The following MACC1 variants were observed in gnomAD, a reference collection of about 807,000 sequenced individuals.
MACC1 encodes the protein metastasis-associated in colon cancer protein 1.
In MACC1, 79 loss-of-function variants were observed where a neutral mutation model predicts 70.7. The ratio of observed to expected loss-of-function variants is 1.12; its 90% CI spans 0.93 to 1.35. MACC1 has a LOEUF of 1.35. Among genes scored for constraint, MACC1 ranks in the 40% most tolerant of loss-of-function variants. The probability of loss-of-function intolerance (pLI) is 0.00; values close to 1 mark genes in which losing one functional copy is unlikely to be tolerated. For synonymous variants in MACC1, 361 were observed against 347.2 expected, an observed-to-expected ratio of 1.04 and a Z score of -0.44; for missense variants, 1,106 against 978.1, an observed-to-expected ratio of 1.13 and a Z score of -1.74.
At chr7:20,177,091 G>C (rs551070751) in intron 1 of MACC1, among the ~76,000 whole-genome samples, 3 of 152,202 alleles carry the variant, frequency 2.0e-5, no homozygotes, top group South Asian at 2.1e-4. Flanking sequence ...TTTTGATATT[G>C]TGCTACAGTT....
At chr7:20,179,727 G>A (rs1782470769) in intron 1 of MACC1, among the ~76,000 whole-genome samples, 2 of 152,062 alleles carry the variant, frequency 1.3e-5, no homozygotes, top group Admixed American at 1.3e-4. Context: ...CAAGATTTGG[G>A]GGTTAAGGGT....
At chr7:20,170,336 A>C (rs986874119) in intron 2 of MACC1, 1 of 152,230 alleles carries the variant, frequency 6.6e-6, no homozygotes, top group South Asian at 2.1e-4. Flanking sequence ...CCCAATGAAC[A>C]TCAGTTGCTG....
rs758865414 is a variant in MACC1 at position 20,140,938 on chromosome 7, C to G, written c.*8G>C. ...TTTTCCCTCCCATCAAAAACACACG[C>G]TTTGTTTCTATACTTCCTCAGAAGT... On this transcript the variant is annotated 3_prime_UTR_variant, in exon 7 of 7. Transcript: ENST00000400331. The G allele has an allele frequency of 1.9e-6, 3 of 1,604,874 alleles. No individual in the cohort carries two copies. In the African/African-American group the frequency reaches 4.0e-5, roughly 21 times the overall value.
Position 20,137,913 on chromosome 7 carries a change from G to C in MACC1, c.*3033C>G, listed in dbSNP as rs1781738988. 6.6e-6 allele frequency: 1 copy of C among 152,166 alleles called. No homozygotes were observed. 9.4% of individuals were successfully genotyped at this position (152,166 alleles called of 1,614,324 possible). On this transcript the variant is annotated 3_prime_UTR_variant, in exon 7 of 7. Transcript: ENST00000400331. The stretch of plus-strand genomic sequence containing the variant: ...CATGCCTGTAATCCTAGCACTCTGG[G>C]AGGCCGAGGCAGGTGGATGACCTGA...
intron 1 of MACC1, among the ~76,000 whole-genome samples, chr7:20,210,605 A>G (rs572593369): frequency 5.9e-5 from 9 of 152,230 alleles, no homozygotes; most frequent in Middle Eastern, 3.4e-3. Flanking sequence ...GTATTTGAAA[A>G]TCCTTCAAAA....
At chr7:20,141,243 C>T in intron 6 of MACC1, 85 bp from the exon 7 acceptor site, 1 of 893,740 alleles carries the variant, frequency 1.1e-6, no homozygotes, top group Non-Finnish European at 1.6e-6. Context: ...TAAAAAGCCT[C>T]TTAAGATTTA....
Position 20,139,825 on chromosome 7 carries a change from T to TAC in MACC1, c.*1119_*1120dup, listed in dbSNP as rs72161770. 0.053 allele frequency: 7,763 copies of TAC among 146,060 alleles called. 206 individuals are homozygous for TAC. The highest frequency in any genetic ancestry group is 0.058 in the African/African-American group (2,309 of 39,840). The allele number at this position is 146,060 out of a possible 1,614,324, so 9.0% of individuals were successfully genotyped here. A position where few individuals can be genotyped will look rare whatever the true frequency, so the allele number is the denominator to read the frequency against. ...GGCTGTGCTTTATAAAACACTGTGG[T>TAC]ACACACACACACACACACACACACA... On this transcript the variant is annotated 3_prime_UTR_variant, in exon 7 of 7. Transcript: ENST00000400331.
chr7:20,163,854 T>C (rs1312826598), intron 3 of MACC1, among the ~76,000 whole-genome samples: 1 of 152,250 alleles, frequency 6.6e-6, no homozygotes, highest in Non-Finnish European at 1.5e-5. Flanking sequence ...ACATACCCTA[T>C]GTCAGACTCA....
rs1165679660 is a variant in MACC1, at chr7:20,140,222, G to C, written c.*724C>G. The C allele has an allele frequency of 6.6e-6, 1 of 152,214 alleles. No individual in the cohort carries two copies. The allele number at this position is 152,214 out of a possible 1,614,324, so 9.4% of individuals were successfully genotyped here. On this transcript the variant is annotated 3_prime_UTR_variant, in exon 7 of 7. Transcript: ENST00000400331. ...AAAATGAAACGGCAACTGTTTCCCT[G>C]TAAGTCTTAACACGCATTTTGTTTT...
chr7:20,146,543 G>A lies in MACC1; in HGVS notation c.2347-5385C>T, dbSNP rs531190112. On this transcript the variant is annotated intron_variant, in intron 6 of 6. Transcript: ENST00000400331. ...GGAAATGTTTGAAGGAATAAAATGCGTAGAATAAATAATTTTCTTTCCGGA... is the reference window on the plus strand; with the variant it reads ...GGAAATGTTTGAAGGAATAAAATGCATAGAATAAATAATTTTCTTTCCGGA... 8.5e-5 allele frequency among the ~76,000 whole-genome samples: 13 copies of A among 152,298 alleles called. No homozygotes were observed. In the South Asian group the frequency reaches 1.2e-3, roughly 15 times the overall value.
chr7:20,158,853 G>C lies in MACC1; in HGVS notation c.1508C>G (p.Thr503Ser), dbSNP rs1481215632. 1 of 1,614,030 alleles carries C rather than the reference G, an allele frequency of 6.2e-7. No individual in the cohort carries two copies. The highest frequency in any genetic ancestry group is 8.5e-7 in the Non-Finnish European group (1 of 1,180,028). Residue 503 changes from threonine to serine, a missense_variant, in exon 5 of 7, where the codon ACT becomes AGT. By Grantham distance (58) the Thr-to-Ser change is moderately conservative (BLOSUM62 1). Transcript: ENST00000400331. ...TAGGTTTGGGGTTGGATCAGGAGTA[G>C]TGATAGAGAACTGTGCAACTGGTTC... ...NGEPVAQFSI[T>S]TPDPTPNLKR...
In MACC1 at chr7:20,182,539, G is replaced by A. The variant is rs548525908; in HGVS notation, c.-217-11761C>T. Among the ~76,000 whole-genome samples the A allele has an allele frequency of 4.6e-5, 7 of 152,162 alleles. No individual in the cohort carries two copies. The South Asian group carries it at 1.5e-3, about 32-fold the overall frequency. Reference sequence around the variant, plus strand: ...CAAGTTACAGGATATGATGCACATCGCATTCTTGCCTATTCTGAAGGGTTG... The same window carrying A: ...CAAGTTACAGGATATGATGCACATCACATTCTTGCCTATTCTGAAGGGTTG... On this transcript the variant is annotated intron_variant, in intron 1 of 6. Transcript: ENST00000400331.
intron 6 of MACC1, chr7:20,153,450 G>A (rs1782010602): frequency 6.6e-6 from 1 of 152,148 alleles, no homozygotes; most frequent in Admixed American, 6.6e-5. Context: ...GTTCATTTGA[G>A]AGAAAGATAC....
intron 1 of MACC1, among the ~76,000 whole-genome samples, chr7:20,213,704 A>G (rs1044891509): frequency 1.3e-5 from 2 of 152,298 alleles, no homozygotes; most frequent in East Asian, 3.9e-4. Context: ...GAGTTAAATG[A>G]TGAGAACACA....
chr7:20,171,171 G>T (rs1368733788), intron 1 of MACC1, among the ~76,000 whole-genome samples: 1 of 152,018 alleles, frequency 6.6e-6, no homozygotes. Flanking sequence ...ACATATATAT[G>T]ATTCAGCTGA....
rs145593121 is a variant in MACC1 at position 20,172,341 on chromosome 7, C to G, written c.-217-1563G>C. Reference sequence around the variant, plus strand: ...CCAGGATGGCTGGTTACCACAGTTACAGGAACATGTTAGTATATAAGTACG... The same window carrying G: ...CCAGGATGGCTGGTTACCACAGTTAGAGGAACATGTTAGTATATAAGTACG... On this transcript the variant is annotated intron_variant, in intron 1 of 6. Transcript: ENST00000400331. Among the ~76,000 whole-genome samples the G allele has an allele frequency of 1.6e-4, 25 of 152,266 alleles. 2 individuals carry two copies. The East Asian group carries it at 4.8e-3, about 29-fold the overall frequency.
chr7:20,208,716 C>A (rs1782951184), intron 1 of MACC1, among the ~76,000 whole-genome samples: 1 of 152,166 alleles, frequency 6.6e-6, no homozygotes, highest in Non-Finnish European at 1.5e-5. Flanking sequence ...GCATAAGTAA[C>A]GAGGAGCCAA....
chr7:20,194,731 T>G (rs1167317353), intron 1 of MACC1, among the ~76,000 whole-genome samples: 2 of 152,254 alleles, frequency 1.3e-5, no homozygotes, highest in African/African-American at 4.8e-5. Flanking sequence ...TTGCCTACCA[T>G]GTAGTTTCCA....
At chr7:20,210,389 C>G (rs1782977854) in intron 1 of MACC1, among the ~76,000 whole-genome samples, 1 of 152,158 alleles carries the variant, frequency 6.6e-6, no homozygotes, top group Admixed American at 6.5e-5. Context: ...TGGCATAGTT[C>G]TCACATTGTA....
Sources: gnomAD v4.1 joint callset for allele counts (sites outside exome capture counted in the v4.1 genomes callset) on GRCh38, gnomAD v4.1.1 for gene constraint, MANE v1.5 for transcripts, NCBI Gene and HGNC (gene_info 2026-07-23, HGNC 2026-07-21) for gene names.